Variants in BCKDHB observed in about 807,000 individuals in gnomAD.
The protein encoded by BCKDHB is 2-oxoisovalerate dehydrogenase subunit beta, mitochondrial.
A neutral mutation model predicts 48.5 loss-of-function variants in BCKDHB; 41 were observed. The observed-to-expected ratio is 0.85, with a 90% CI of 0.66 to 1.10. BCKDHB has a LOEUF of 1.10. BCKDHB is among the 50% of genes least tolerant of loss of function. The pLI, the probability that BCKDHB is intolerant of heterozygous loss-of-function variation, is 0.00. For missense variants in BCKDHB, 496 were observed against 494.2 expected, an observed-to-expected ratio of 1.00 and a Z score of -0.03; for synonymous variants, 201 against 174.8, an observed-to-expected ratio of 1.15 and a Z score of -1.18.
the BCKDHB span, among the ~76,000 whole-genome samples, chr6:80,416,176 C>CTAGTGGTCT: frequency 6.6e-6 from 1 of 150,608 alleles, no homozygotes; most frequent in Non-Finnish European, 1.5e-5. Flanking sequence ...CTTAGTCTAG[C>CTAGTGGTCT]TAGTGGTCTA....
At chr6:80,250,452 C>A (rs769221018) in intron 8 of BCKDHB, among the ~76,000 whole-genome samples, 57 of 152,092 alleles carry the variant, frequency 3.7e-4, no homozygotes, top group Non-Finnish European at 2.1e-4. Context: ...TTCCTACCTT[C>A]CCAAACCGTG....
At chr6:80,122,968 C>A (rs932219658) in intron 1 of BCKDHB, among the ~76,000 whole-genome samples, 1 of 142,216 alleles carries the variant, frequency 7.0e-6, no homozygotes, top group Admixed American at 7.0e-5. Flanking sequence ...CCTTCCCCCC[C>A]TCCCCCCCGG....
Position 80,167,820 on chromosome 6 carries a change from A to G in BCKDHB, c.477+9A>G. Reference sequence around the variant, plus strand: ...TCCCTGCATTTGATCAGGTAAGTGAATGAACATTTCTAAGGTTGTTCATTC... The same window carrying G: ...TCCCTGCATTTGATCAGGTAAGTGAGTGAACATTTCTAAGGTTGTTCATTC... On this transcript the variant is annotated intron_variant, in intron 4 of 9. Transcript: ENST00000320393. 6.2e-7 allele frequency: 1 copy of G among 1,613,080 alleles called. No homozygotes were observed. The highest frequency in any genetic ancestry group is 8.5e-7 in the Non-Finnish European group (1 of 1,179,348).
chr6:80,150,577 G>A (rs1771725105), intron 3 of BCKDHB, among the ~76,000 whole-genome samples: 1 of 119,260 alleles, frequency 8.4e-6, no homozygotes. Flanking sequence ...TTTTTTGTGA[G>A]ATGGAGCCTT....
intron 9 of BCKDHB, among the ~76,000 whole-genome samples, chr6:80,320,622 G>A (rs537130088): frequency 5.9e-4 from 90 of 152,272 alleles, no homozygotes; most frequent in Non-Finnish European, 9.0e-4. Context: ...AGAAGAATCA[G>A]TCCTATTTTT....
chr6:80,448,530 G>A, the BCKDHB span, among the ~76,000 whole-genome samples: 1 of 152,106 alleles, frequency 6.6e-6, no homozygotes, highest in African/African-American at 2.4e-5. Flanking sequence ...AAGGATCCAG[G>A]ACTCATGTAG....
chr6:80,293,870 C>T (rs1272949264), intron 9 of BCKDHB, among the ~76,000 whole-genome samples: 2 of 152,184 alleles, frequency 1.3e-5, no homozygotes, highest in African/African-American at 4.8e-5. Context: ...AAAATACCAC[C>T]AGTCTCCTTG....
At chr6:80,238,745 C>T (rs965297049) in intron 8 of BCKDHB, among the ~76,000 whole-genome samples, 6 of 122,684 alleles carry the variant, frequency 4.9e-5, no homozygotes, top group Admixed American at 1.0e-4. Flanking sequence ...TGCTATCCCT[C>T]CCCCCTCCTC....
intron 8 of BCKDHB, among the ~76,000 whole-genome samples, chr6:80,262,382 A>G (rs1777343658): frequency 1.3e-5 from 2 of 152,152 alleles, no homozygotes; most frequent in African/African-American, 4.8e-5. Context: ...ACACGCACAC[A>G]CATATGACTA....
At chr6:80,121,655 T>C (rs1020527088) in intron 1 of BCKDHB, among the ~76,000 whole-genome samples, 2 of 152,068 alleles carry the variant, frequency 1.3e-5, no homozygotes, top group Non-Finnish European at 2.9e-5. Flanking sequence ...ATGATTTGGC[T>C]CTCTGTTAAT....
chr6:80,200,655 C>T (rs998045918), intron 6 of BCKDHB, among the ~76,000 whole-genome samples: 1 of 152,056 alleles, frequency 6.6e-6, no homozygotes, highest in African/African-American at 2.4e-5. Context: ...TTCTTATTGA[C>T]TAATGTTCCT....
intron 8 of BCKDHB, among the ~76,000 whole-genome samples, chr6:80,266,028 G>A (rs1777499711): frequency 6.6e-6 from 1 of 152,042 alleles, no homozygotes; most frequent in Non-Finnish European, 1.5e-5. Context: ...GAAAAATCCT[G>A]GAAGAGCCAG....
chr6:80,423,367 A>T, the BCKDHB span, among the ~76,000 whole-genome samples: 6 of 152,212 alleles, frequency 3.9e-5, no homozygotes, highest in African/African-American at 1.2e-4. Context: ...AAAACAGACT[A>T]ATACAGGCTC....
At chr6:80,281,180 T>G (rs537354286) in intron 9 of BCKDHB, among the ~76,000 whole-genome samples, 2 of 152,192 alleles carry the variant, frequency 1.3e-5, no homozygotes, top group East Asian at 3.9e-4. Context: ...TACTGGTGGC[T>G]GAGTTCATGG....
At chr6:80,438,083 AT>A in the BCKDHB span, among the ~76,000 whole-genome samples, 3 of 152,202 alleles carry the variant, frequency 2.0e-5, no homozygotes, top group Non-Finnish European at 2.9e-5. Context: ...CTTCCATTAT[AT>A]GTTGGATACT....
the BCKDHB span, among the ~76,000 whole-genome samples, chr6:80,363,079 C>T: frequency 1.3e-5 from 2 of 152,026 alleles, no homozygotes; most frequent in Admixed American, 1.3e-4. Flanking sequence ...GCAAGCTTAC[C>T]CACATTTGTA....
chr6:80,271,762 G>A (rs1355960822), intron 8 of BCKDHB, among the ~76,000 whole-genome samples: 2 of 150,838 alleles, frequency 1.3e-5, no homozygotes, highest in Admixed American at 6.6e-5. Flanking sequence ...GCAGTGAGCC[G>A]ACATGGTGCC....
the BCKDHB span, among the ~76,000 whole-genome samples, chr6:80,455,553 A>C: frequency 6.6e-5 from 10 of 150,408 alleles, no homozygotes; most frequent in African/African-American, 2.5e-4. Context: ...CATGCAGTAA[A>C]AATAGCATAC....
the BCKDHB span, among the ~76,000 whole-genome samples, chr6:80,415,238 T>G: frequency 6.6e-6 from 1 of 152,170 alleles, no homozygotes; most frequent in African/African-American, 2.4e-5. Flanking sequence ...TCTTTTACTA[T>G]TTGGATGACC....
Sources: gnomAD v4.1 joint callset for allele counts (sites outside exome capture counted in the v4.1 genomes callset) on GRCh38, gnomAD v4.1.1 for gene constraint, MANE v1.5 for transcripts, NCBI Gene and HGNC (gene_info 2026-07-23, HGNC 2026-07-21) for gene names.